GALNTL6: variants seen among roughly 807,000 people sequenced by gnomAD.
GALNTL6 encodes polypeptide N-acetylgalactosaminyltransferase-like 6.
Under a neutral mutation model 73.7 loss-of-function variants are expected in GALNTL6, and 46 were observed. The observed-to-expected ratio is 0.62, with a 90% CI of 0.49 to 0.80. GALNTL6 has a LOEUF of 0.80. Among genes scored for constraint, GALNTL6 ranks in the 30% least tolerant of loss-of-function variants. GALNTL6 has a pLI of 0.00. For missense variants in GALNTL6, 604 were observed against 755.0 expected (o/e 0.80, Z 2.34); for synonymous variants, 259 against 263.7 (o/e 0.98, Z 0.17).
At chr4:172,791,092 A>T (rs1579487029) in intron 5 of GALNTL6, among the ~76,000 whole-genome samples, 1 of 152,152 alleles carries the variant, frequency 6.6e-6, no homozygotes, top group South Asian at 2.1e-4. Context: ...AAAATGCTGC[A>T]TTGGAAGAAA....
intron 5 of GALNTL6, among the ~76,000 whole-genome samples, chr4:172,662,316 C>T (rs1334082007): frequency 6.6e-6 from 1 of 152,164 alleles, no homozygotes; most frequent in Non-Finnish European, 1.5e-5. Flanking sequence ...CAATTCTCTT[C>T]CCAGACATCT....
chr4:172,560,649 C>CT (rs1736320871), intron 5 of GALNTL6, among the ~76,000 whole-genome samples: 1 of 152,104 alleles, frequency 6.6e-6, no homozygotes, highest in Admixed American at 6.5e-5. Context: ...TAATTGAAGT[C>CT]TGAGATTTTT....
chr4:172,803,343 C>T (rs1176208864), intron 5 of GALNTL6, among the ~76,000 whole-genome samples: 3 of 152,160 alleles, frequency 2.0e-5, no homozygotes, highest in Non-Finnish European at 4.4e-5. Flanking sequence ...AGGAGCCAAA[C>T]TCTATTGTGA....
At chr4:172,747,792 T>A (rs1216358907) in intron 5 of GALNTL6, among the ~76,000 whole-genome samples, 1 of 151,870 alleles carries the variant, frequency 6.6e-6, no homozygotes, top group East Asian at 1.9e-4. Context: ...TTAACTTTTT[T>A]TTTAATGTGG....
At chr4:172,142,960 T>C (rs1244031495) in intron 2 of GALNTL6, among the ~76,000 whole-genome samples, 1 of 151,990 alleles carries the variant, frequency 6.6e-6, no homozygotes, top group African/African-American at 2.4e-5. Context: ...TATGAACATA[T>C]CCAATTCAGA....
chr4:172,335,115 T>C (rs886134036), intron 4 of GALNTL6, among the ~76,000 whole-genome samples: 1 of 151,844 alleles, frequency 6.6e-6, no homozygotes, highest in Non-Finnish European at 1.5e-5. Flanking sequence ...GCCCAGCTAA[T>C]TTTTTGTATT....
intron 5 of GALNTL6, among the ~76,000 whole-genome samples, chr4:172,553,396 T>G (rs1408338743): frequency 1.3e-5 from 2 of 152,198 alleles, no homozygotes; most frequent in Non-Finnish European, 2.9e-5. Flanking sequence ...AGAACTGTTA[T>G]CTGACTCTGA....
chr4:171,977,893 CTGTTT>C (rs1336280601), intron 2 of GALNTL6, among the ~76,000 whole-genome samples: 1 of 151,972 alleles, frequency 6.6e-6, no homozygotes, highest in Non-Finnish European at 1.5e-5. Flanking sequence ...GATTGGCTTA[CTGTTT>C]TGTTTTGAAT....
rs200333595 is a variant in GALNTL6, at chr4:172,318,889, C to T, written c.386+7137C>T. Reference sequence around the variant, plus strand: ...TGTGTTGAATATCAAAGAACAGCCTCTGTAATCTTATGATAAGGATCAAAT... The same window carrying T: ...TGTGTTGAATATCAAAGAACAGCCTTTGTAATCTTATGATAAGGATCAAAT... On this transcript the variant is annotated intron_variant, in intron 4 of 12. Coordinates refer to ENST00000506823, the MANE Select transcript of GALNTL6 (RefSeq NM_001034845.3). 8.1e-4 allele frequency among the ~76,000 whole-genome samples: 124 copies of T among 152,148 alleles called. 2 individuals are homozygous for T. The South Asian group carries it at 0.016, about 19-fold the overall frequency.
intron 2 of GALNTL6, among the ~76,000 whole-genome samples, chr4:171,902,363 A>G (rs754651794): frequency 1.1e-4 from 17 of 152,224 alleles, no homozygotes; most frequent in Non-Finnish European, 2.1e-4. Flanking sequence ...GTAAAAATCA[A>G]GGAGGAGGAT....
intron 10 of GALNTL6, among the ~76,000 whole-genome samples, chr4:172,992,843 C>A (rs553596629): frequency 6.6e-6 from 1 of 152,106 alleles, no homozygotes; most frequent in Admixed American, 6.6e-5. Flanking sequence ...CAAAGGTCAT[C>A]GGATCGCTAA....
At chr4:172,721,087 C>T (rs2111356640) in intron 5 of GALNTL6, among the ~76,000 whole-genome samples, 1 of 152,204 alleles carries the variant, frequency 6.6e-6, no homozygotes, top group African/African-American at 2.4e-5. Context: ...AATAGAAGTG[C>T]ATAAAAAGGA....
intron 5 of GALNTL6, among the ~76,000 whole-genome samples, chr4:172,436,901 AG>A: frequency 6.6e-6 from 1 of 152,116 alleles, no homozygotes. Context: ...GTGGATTTGC[AG>A]TCTAGCTGTT....
chr4:172,006,629 G>C (rs574517652), intron 2 of GALNTL6, among the ~76,000 whole-genome samples: 1 of 151,294 alleles, frequency 6.6e-6, no homozygotes, highest in South Asian at 2.1e-4. Context: ...TCCAAAAAAG[G>C]AAAAGAAAAG....
At chr4:172,164,940 G>C (rs964462246) in intron 2 of GALNTL6, among the ~76,000 whole-genome samples, 3 of 152,046 alleles carry the variant, frequency 2.0e-5, no homozygotes, top group Non-Finnish European at 4.4e-5. Flanking sequence ...GCTTCATGTA[G>C]AGGATTAATT....
At chr4:171,970,027 T>A (rs1461282962) in intron 2 of GALNTL6, among the ~76,000 whole-genome samples, 2 of 152,114 alleles carry the variant, frequency 1.3e-5, no homozygotes, top group African/African-American at 4.8e-5. Flanking sequence ...CTCCTTGGCC[T>A]CCCAAAGTGC....
At chr4:172,875,594 G>GT (rs1234270363) in intron 7 of GALNTL6, among the ~76,000 whole-genome samples, 1 of 152,024 alleles carries the variant, frequency 6.6e-6, no homozygotes, top group Admixed American at 6.6e-5. Context: ...CCAGCAGATT[G>GT]TTTACCATCC....
intron 3 of GALNTL6, among the ~76,000 whole-genome samples, chr4:172,282,617 T>G: frequency 6.9e-6 from 1 of 144,972 alleles, no homozygotes; most frequent in African/African-American, 2.6e-5. Flanking sequence ...TCATTGTAAG[T>G]GCAATGGAAA....
At chr4:171,892,969 G>A (rs931195536) in intron 2 of GALNTL6, among the ~76,000 whole-genome samples, 2 of 151,978 alleles carry the variant, frequency 1.3e-5, no homozygotes, top group African/African-American at 4.8e-5. Context: ...TATCTGCCCT[G>A]TTCATTGCTC....
Sources: gnomAD v4.1 joint callset for allele counts (sites outside exome capture counted in the v4.1 genomes callset) on GRCh38, gnomAD v4.1.1 for gene constraint, MANE v1.5 for transcripts, NCBI Gene and HGNC (gene_info 2026-07-23, HGNC 2026-07-21) for gene names.